Variants in G6PC3 observed in about 807,000 individuals in gnomAD.
G6PC3 encodes the protein glucose-6-phosphatase 3.
A neutral mutation model predicts 38.6 loss-of-function variants in G6PC3; 30 were observed. The observed-to-expected ratio is 0.78, with a 90% CI of 0.58 to 1.05. The LOEUF is 1.05. G6PC3 is among the 50% of genes least tolerant of loss of function. The probability of loss-of-function intolerance (pLI) is 0.00; values close to 1 mark genes in which losing one functional copy is unlikely to be tolerated. For missense variants in G6PC3, 377 were observed against 443.1 expected, an observed-to-expected ratio of 0.85 and a Z score of 1.34; for synonymous variants, 192 against 178.1, an observed-to-expected ratio of 1.08 and a Z score of -0.62.
At position 44,075,019 on chromosome 17, in the gene G6PC3, C is replaced by T. The variant is rs374402992; in HGVS notation, c.467C>T (p.Ala156Val). The stretch of plus-strand genomic sequence containing the variant: ...CTGGCTTATTGCACCTTCCTTTTGG[C>T]GGTTGGCTTGTCGCGAATCTTCATC... ...PSLAYCTFLL[A>V]VGLSRIFILA... The change falls in exon 4 of 6, where the codon GCG becomes GTG. Residue 156 changes from alanine to valine, a missense_variant. Physicochemically the swap from Ala to Val is moderately conservative, Grantham distance 64. Coordinates refer to ENST00000269097, the MANE Select transcript of G6PC3 (RefSeq NM_138387.4). 21 of 1,614,040 alleles carry T rather than the reference C, an allele frequency of 1.3e-5. No individual in the cohort carries two copies. Among genetic ancestry groups the T allele is most frequent in the East Asian group, 6.7e-5 (3 of 44,902 alleles).
chr17:44,070,783 G>T lies in G6PC3; in HGVS notation c.-183G>T. On this transcript the variant is annotated 5_prime_UTR_variant, in exon 1 of 6. Coordinates refer to ENST00000269097, the MANE Select transcript of G6PC3 (RefSeq NM_138387.4). The stretch of plus-strand genomic sequence containing the variant: ...AGCGCAGGAGGAAACAGTACCGGCT[G>T]GAGGCCGGTCTTGCAGGAGCGGGGG... 1 of 697,794 alleles carries T rather than the reference G, an allele frequency of 1.4e-6. No individual in the cohort carries two copies. Among genetic ancestry groups the T allele is most frequent in the South Asian group, 1.6e-5 (1 of 62,556 alleles). The allele number at this position is 697,794 out of a possible 1,614,324, so 43.2% of individuals were successfully genotyped here. A position where few individuals can be genotyped will look rare whatever the true frequency, so the allele number is the denominator to read the frequency against.
At chr17:44,074,384 A>C in intron 2 of G6PC3, 118 bp downstream of exon 2, 1 of 856,436 alleles carries the variant, frequency 1.2e-6, no homozygotes, top group Non-Finnish European at 2.0e-6. Flanking sequence ...TTACTGGCGC[A>C]GAGAACAAAA....
rs2050087203 is a variant in G6PC3, at chr17:44,075,688, G to C, written c.686G>C (p.Ser229Thr). ...TLGLDLSWSI[S>T]LAFKWCERPE... ...ACTCTTCTTCCCCACAGGTCCATCAGCCTAGCCTTCAAGTGGTGTGAGCGG... is the reference window on the plus strand; with the variant it reads ...ACTCTTCTTCCCCACAGGTCCATCACCCTAGCCTTCAAGTGGTGTGAGCGG... Residue 229 changes from serine to threonine, a missense_variant, in exon 6 of 6, where the codon AGC becomes ACC. Physicochemically the swap from Ser to Thr is moderately conservative, Grantham distance 58. Coordinates refer to ENST00000269097, the MANE Select transcript of G6PC3 (RefSeq NM_138387.4). 6.2e-7 allele frequency: 1 copy of C among 1,611,380 alleles called. No homozygotes were observed. The highest frequency in any genetic ancestry group is 2.2e-5 in the East Asian group (1 of 44,886).
chr17:44,074,095 C>T (rs1224762872), intron 1 of G6PC3, 65 bp from the exon 2 acceptor site: 1 of 1,128,298 alleles, frequency 8.9e-7, no homozygotes, highest in Non-Finnish European at 1.4e-6. Flanking sequence ...TGTGTCCTGC[C>T]CGCCTTGTAC....
chr17:44,075,568 A>T lies in G6PC3; in HGVS notation c.678-112A>T, dbSNP rs532671224. On this transcript the variant is annotated intron_variant, in intron 5 of 5. Coordinates refer to ENST00000269097, the MANE Select transcript of G6PC3 (RefSeq NM_138387.4). ...AAGGACACATTACCTATTCACATAG[A>T]CCCTCACAGGCACAAAACAGAACAT... The T allele has an allele frequency of 2.5e-6, 4 of 1,598,100 alleles. No individual in the cohort carries two copies. In the African/African-American group the frequency reaches 4.0e-5, roughly 16 times the overall value.
chr17:44,071,334 G>A (rs773643192), intron 1 of G6PC3, 151 bp downstream of exon 1: 9 of 1,335,988 alleles, frequency 6.7e-6, no homozygotes, highest in African/African-American at 2.9e-5. Context: ...GCATCTTTGT[G>A]CAGCTTGGAC....
Position 44,075,548 on chromosome 17 carries a change from C to T in G6PC3, c.677+97C>T, listed in dbSNP as rs2050080263. The T allele has an allele frequency of 5.0e-6, 8 of 1,598,300 alleles. No individual in the cohort carries two copies. In the South Asian group the frequency reaches 5.5e-5, roughly 11 times the overall value. On this transcript the variant is annotated intron_variant, in intron 5 of 5. Coordinates refer to ENST00000269097, the MANE Select transcript of G6PC3 (RefSeq NM_138387.4). ...CTGGTTCATTATAGCTAAAAAAGGACACATTACCTATTCACATAGACCCTC... is the reference window on the plus strand; with the variant it reads ...CTGGTTCATTATAGCTAAAAAAGGATACATTACCTATTCACATAGACCCTC...
chr17:44,076,339 C>T lies in G6PC3; in HGVS notation c.*296C>T, dbSNP rs1310744020. ...GCGGCCCCAATAAAGCCCTTGAATA[C>T]TTTGAGATTCCTTTCTTGCCTATGC... On this transcript the variant is annotated 3_prime_UTR_variant, in exon 6 of 6. Transcript: ENST00000269097. 2.3e-5 allele frequency: 14 copies of T among 615,034 alleles called. No individual in the cohort carries two copies. Among genetic ancestry groups the T allele is most frequent in the Middle Eastern group, 8.6e-4 (2 of 2,318 alleles). 38.1% of individuals were successfully genotyped at this position (615,034 alleles called of 1,614,324 possible). A position where few individuals can be genotyped will look rare whatever the true frequency, so the allele number is the denominator to read the frequency against.
At position 44,072,931 on chromosome 17, in the gene G6PC3, C is replaced by T. The variant is rs1192063091; in HGVS notation, c.219-1229C>T. ...GGATTACAGGCGTGAGCCACCGCGC[C>T]TGGCACCGCCGTTCATTTTCTGTGT... On this transcript the variant is annotated intron_variant, in intron 1 of 5. Transcript: ENST00000269097. The T allele has an allele frequency of 2.6e-5, 4 of 152,422 alleles. No individual in the cohort carries two copies. The East Asian group carries it at 7.7e-4, about 29-fold the overall frequency. The allele number at this position is 152,422 out of a possible 1,614,324, so 9.4% of individuals were successfully genotyped here.
chr17:44,071,358 T>G, intron 1 of G6PC3, 175 bp downstream of exon 1: 1 of 1,041,276 alleles, frequency 9.6e-7, no homozygotes, highest in South Asian at 1.5e-5. Context: ...AACCTCAGAG[T>G]CCAACCATCC....
chr17:44,074,418 G>A (rs1400069588), intron 2 of G6PC3, 152 bp downstream of exon 2: 10 of 760,230 alleles, frequency 1.3e-5, no homozygotes, highest in Admixed American at 2.0e-5. Context: ...ACCAAGCTGA[G>A]TTATGGGAGG....
rs2050057954 is a variant in G6PC3, at chr17:44,075,008, C to A, written c.456C>A (p.Thr152=). 1.2e-6 allele frequency: 2 copies of A among 1,614,034 alleles called. No homozygotes were observed. Among genetic ancestry groups the A allele is most frequent in the Non-Finnish European group, 1.7e-6 (2 of 1,180,036 alleles). The change falls in exon 4 of 6, where the codon ACC becomes ACA. Residue 152 remains threonine, a synonymous_variant. Transcript: ENST00000269097. ...TGATGCCTAGCCTGGCTTATTGCAC[C>A]TTCCTTTTGGCGGTTGGCTTGTCGC... ...VRVMPSLAYC[T]FLLAVGLSRI...
At chr17:44,071,504 AT>A (rs1567967889) in intron 1 of G6PC3, 2 of 622,722 alleles carry the variant, frequency 3.2e-6, no homozygotes, top group Non-Finnish European at 4.9e-6. Flanking sequence ...TTTATTTTTT[AT>A]TTTTTATTTT....
rs973319058 is a variant in G6PC3, at chr17:44,070,777, C to G, written c.-189C>G. ...GAGGAGAGCGCAGGAGGAAACAGTACCGGCTGGAGGCCGGTCTTGCAGGAG... is the reference window on the plus strand; with the variant it reads ...GAGGAGAGCGCAGGAGGAAACAGTAGCGGCTGGAGGCCGGTCTTGCAGGAG... On this transcript the variant is annotated 5_prime_UTR_variant, in exon 1 of 6. Transcript: ENST00000269097. 3 of 687,646 alleles carry G rather than the reference C, an allele frequency of 4.4e-6. No homozygotes were observed. The African/African-American group carries it at 5.3e-5, about 12-fold the overall frequency. The allele number at this position is 687,646 out of a possible 1,614,324, so 42.6% of individuals were successfully genotyped here.
At position 44,070,893 on chromosome 17, in the gene G6PC3, G is replaced by C; in HGVS notation, c.-73G>C. 1.3e-6 allele frequency: 2 copies of C among 1,515,708 alleles called. No homozygotes were observed. Among genetic ancestry groups the C allele is most frequent in the Non-Finnish European group, 1.8e-6 (2 of 1,127,940 alleles). 93.9% of individuals were successfully genotyped at this position (1,515,708 alleles called of 1,614,324 possible). On this transcript the variant is annotated 5_prime_UTR_variant, in exon 1 of 6. Coordinates refer to ENST00000269097, the MANE Select transcript of G6PC3 (RefSeq NM_138387.4). ...GGTGGGCTTTGGAGATCAGAGGGTCGACGCTGCTTCGTTGCCTGGACTCTG... is the reference window on the plus strand; with the variant it reads ...GGTGGGCTTTGGAGATCAGAGGGTCCACGCTGCTTCGTTGCCTGGACTCTG...
Position 44,070,805 on chromosome 17 carries a change from G to A in G6PC3, c.-161G>A. On this transcript the variant is annotated 5_prime_UTR_variant, in exon 1 of 6. Coordinates refer to ENST00000269097, the MANE Select transcript of G6PC3 (RefSeq NM_138387.4). ...GCTGGAGGCCGGTCTTGCAGGAGCGGGGGACTGCTGGGGGCGGGGCTTGGT... is the reference window on the plus strand; with the variant it reads ...GCTGGAGGCCGGTCTTGCAGGAGCGAGGGACTGCTGGGGGCGGGGCTTGGT... 1 of 762,454 alleles carries A rather than the reference G, an allele frequency of 1.3e-6. No homozygotes were observed. The highest frequency in any genetic ancestry group is 2.2e-6 in the Non-Finnish European group (1 of 447,870). 47.2% of individuals were successfully genotyped at this position (762,454 alleles called of 1,614,324 possible).
At position 44,071,116 on chromosome 17, in the gene G6PC3, C is replaced by T; in HGVS notation, c.151C>T (p.Arg51Cys). The T allele has an allele frequency of 6.2e-7, 1 of 1,614,060 alleles. No individual in the cohort carries two copies. The highest frequency in any genetic ancestry group is 1.1e-5 in the South Asian group (1 of 91,046). ...FYFPAAYYAS[R>C]RVGIAVLWIS... The stretch of plus-strand genomic sequence containing the variant: ...CTTCCCCGCGGCCTACTACGCCTCC[C>T]GCCGTGTGGGCATCGCGGTGCTCTG... Residue 51 changes from arginine (R) to cysteine (C), a missense_variant, in exon 1 of 6, where the codon CGC becomes TGC. Coordinates refer to ENST00000269097, the MANE Select transcript of G6PC3 (RefSeq NM_138387.4).
Position 44,075,792 on chromosome 17 carries a change from G to A in G6PC3, c.790G>A (p.Ala264Thr). 6.2e-7 allele frequency: 1 copy of A among 1,611,930 alleles called. No homozygotes were observed. The change falls in exon 6 of 6, where the codon GCC (alanine) becomes ACC (threonine). Residue 264 changes from alanine to threonine, a missense_variant. By Grantham distance (58) the Ala-to-Thr change is moderately conservative (BLOSUM62 0). Transcript: ENST00000269097. ...AGGGGCTGCCCTGGGCCTGGGCATT[G>A]CCTTGCACTCTCCCTGCTATGCCCA... ...DSGAALGLGIALHSPCYAQVR... is the reference protein window; with the variant it reads ...DSGAALGLGITLHSPCYAQVR...
upstream of G6PC3, chr17:44,070,727 C>T: frequency 3.4e-6 from 2 of 581,632 alleles, no homozygotes; most frequent in Non-Finnish European, 3.1e-6. Context: ...TTGTCCCCTG[C>T]GCTGCCCAGT....
Sources: allele counts gnomAD v4.1 joint callset, GRCh38; gene constraint gnomAD v4.1.1; transcripts MANE v1.5; gene names NCBI Gene and HGNC (gene_info 2026-07-23, HGNC 2026-07-21).